WDR45B: variants seen among roughly 807,000 people sequenced by gnomAD.
The protein encoded by WDR45B is WD repeat domain phosphoinositide-interacting protein 3.
Under a neutral mutation model 44.6 loss-of-function variants are expected in WDR45B, and 20 were observed. The ratio of observed to expected loss-of-function variants is 0.45; its 90% CI spans 0.32 to 0.65. The LOEUF (loss-of-function observed/expected upper bound fraction) is 0.65, where lower values mean the gene tolerates loss of function less well. Among genes scored for constraint, WDR45B ranks in the 30% least tolerant of loss-of-function variants. WDR45B has a pLI of 0.05. For synonymous variants in WDR45B, 169 were observed against 164.9 expected (o/e 1.02, Z -0.19); for missense variants, 323 against 430.2 (o/e 0.75, Z 2.20).
rs2045517195 is a variant in WDR45B at position 82,615,343 on chromosome 17, G to A, written c.*576C>T. 6.1e-6 allele frequency: 1 copy of A among 163,982 alleles called. No homozygotes were observed. Among genetic ancestry groups the A allele is most frequent in the Non-Finnish European group, 1.3e-5 (1 of 74,208 alleles). The allele number at this position is 163,982 out of a possible 1,614,324, so 10.2% of individuals were successfully genotyped here. On this transcript the variant is annotated 3_prime_UTR_variant, in exon 10 of 10. Transcript: ENST00000392325. ...GCGGGTACGGAGAAGACCACAGGCTGGGCTCACACGAGGGGAAACATTCAC... is the reference window on the plus strand; with the variant it reads ...GCGGGTACGGAGAAGACCACAGGCTAGGCTCACACGAGGGGAAACATTCAC...
intron 1 of WDR45B, among the ~76,000 whole-genome samples, chr17:82,645,418 G>A (rs1329510180): frequency 6.6e-6 from 1 of 152,052 alleles, no homozygotes; most frequent in Non-Finnish European, 1.5e-5. Context: ...CATGTCACAA[G>A]AGGATATCCA....
intron 2 of WDR45B, among the ~76,000 whole-genome samples, chr17:82,631,850 T>C (rs2045772246): frequency 6.6e-6 from 1 of 151,862 alleles, no homozygotes; most frequent in Non-Finnish European, 1.5e-5. Context: ...CTTGGGAGGC[T>C]GAGGCGGGCA....
At chr17:82,636,044 G>A (rs1207668926) in intron 2 of WDR45B, among the ~76,000 whole-genome samples, 4 of 151,880 alleles carry the variant, frequency 2.6e-5, no homozygotes, top group African/African-American at 7.3e-5. Context: ...CCGAGATCGC[G>A]TCACTGCACT....
At chr17:82,620,852 G>A (rs777537300) in intron 6 of WDR45B, among the ~76,000 whole-genome samples, 5 of 152,218 alleles carry the variant, frequency 3.3e-5, no homozygotes, top group Non-Finnish European at 4.4e-5. Flanking sequence ...TGTCCAATAC[G>A]TCAATATTTT....
Position 82,615,706 on chromosome 17 carries a change from C to A in WDR45B, c.*213G>T, listed in dbSNP as rs1206487961. 1.7e-6 allele frequency: 1 copy of A among 583,214 alleles called. No individual in the cohort carries two copies. Among genetic ancestry groups the A allele is most frequent in the Non-Finnish European group, 3.1e-6 (1 of 324,678 alleles). The allele number at this position is 583,214 out of a possible 1,614,324, so 36.1% of individuals were successfully genotyped here. A position where few individuals can be genotyped will look rare whatever the true frequency, so the allele number is the denominator to read the frequency against. On this transcript the variant is annotated 3_prime_UTR_variant, in exon 10 of 10. Coordinates refer to ENST00000392325, the MANE Select transcript of WDR45B (RefSeq NM_019613.4). ...TGGCCGCCAGTCGAGCTGGTCACAGCCACTGAGTTACCTACGGTGCCTTGA... is the reference window on the plus strand; with the variant it reads ...TGGCCGCCAGTCGAGCTGGTCACAGACACTGAGTTACCTACGGTGCCTTGA...
intron 2 of WDR45B, among the ~76,000 whole-genome samples, chr17:82,637,540 G>A (rs558533369): frequency 9.2e-5 from 14 of 152,074 alleles, no homozygotes; most frequent in African/African-American, 3.4e-4. Context: ...CCCCAAGACC[G>A]ACTGCACCAC....
intron 2 of WDR45B, 94 bp from the exon 3 acceptor site, chr17:82,631,116 C>G: frequency 1.6e-6 from 2 of 1,265,132 alleles, no homozygotes; most frequent in South Asian, 2.5e-5. Flanking sequence ...GGTAACGCAG[C>G]AATTTTCTAT....
At chr17:82,633,249 A>C (rs1038171957) in intron 2 of WDR45B, among the ~76,000 whole-genome samples, 2 of 152,102 alleles carry the variant, frequency 1.3e-5, no homozygotes, top group African/African-American at 4.8e-5. Flanking sequence ...CAACAGAATG[A>C]AAACACAACC....
chr17:82,648,204 C>A (rs1568020912), intron 1 of WDR45B, 70 bp downstream of exon 1: 1 of 1,538,862 alleles, frequency 6.5e-7, no homozygotes. Context: ...CCAGGAGAGG[C>A]CTGAGAGCCG....
chr17:82,626,106 C>T (rs2045693787), intron 4 of WDR45B: 1 of 156,834 alleles, frequency 6.4e-6, no homozygotes, highest in Non-Finnish European at 1.4e-5. Flanking sequence ...TGGTCTCTAA[C>T]TCCTGACCTT....
chr17:82,614,723 A>G lies in WDR45B; in HGVS notation c.*1196T>C, dbSNP rs1230676652. ...TAGCTGATTACATGACAGTGACAGTAAAGAACTAAAGAAACCGGCAAAACC... is the reference window on the plus strand; with the variant it reads ...TAGCTGATTACATGACAGTGACAGTGAAGAACTAAAGAAACCGGCAAAACC... On this transcript the variant is annotated 3_prime_UTR_variant, in exon 10 of 10. Transcript: ENST00000392325. 1 of 152,586 alleles carries G rather than the reference A, an allele frequency of 6.6e-6. No homozygotes were observed. The highest frequency in any genetic ancestry group is 2.4e-5 in the African/African-American group (1 of 41,466). 9.5% of individuals were successfully genotyped at this position (152,586 alleles called of 1,614,324 possible).
chr17:82,625,523 G>C (rs761522029), intron 4 of WDR45B, 40 bp from the exon 5 acceptor site: 1 of 1,577,642 alleles, frequency 6.3e-7, no homozygotes, highest in South Asian at 1.1e-5. Context: ...TTCCTCAAGA[G>C]TCAAACCCAA....
At chr17:82,644,099 AACT>A (rs1253504095) in intron 1 of WDR45B, 76 bp from the exon 2 acceptor site, 1 of 1,364,070 alleles carries the variant, frequency 7.3e-7, no homozygotes, top group Non-Finnish European at 1.0e-6. Flanking sequence ...GAGAAATGAC[AACT>A]ACTGAGAACT....
chr17:82,638,274 G>A (rs1266760927), intron 2 of WDR45B, among the ~76,000 whole-genome samples: 2 of 52,084 alleles, frequency 3.8e-5, no homozygotes, highest in Non-Finnish European at 7.4e-5. Context: ...GGGGAGGGGG[G>A]AGGAGGAAAG....
In WDR45B at chr17:82,627,324, C is replaced by T. The variant is rs1200288737; in HGVS notation, c.245-33G>A. ...ATCAGAAAGAAAAGATGAATGCAGT[C>T]ATCAGCAGGCCATGGCGCTGGGATG... On this transcript the variant is annotated intron_variant, in intron 3 of 9. Transcript: ENST00000392325. 15 of 1,550,368 alleles carry T rather than the reference C, an allele frequency of 9.7e-6. No individual in the cohort carries two copies. The South Asian group carries it at 1.6e-4, about 16-fold the overall frequency.
chr17:82,617,959 C>T (rs2045562057), intron 7 of WDR45B, among the ~76,000 whole-genome samples: 1 of 150,224 alleles, frequency 6.7e-6, no homozygotes, highest in African/African-American at 2.5e-5. Flanking sequence ...GACAGAGTCT[C>T]GCTCTCTTGC....
At chr17:82,646,488 CAAA>C (rs779661551) in intron 1 of WDR45B, among the ~76,000 whole-genome samples, 1 of 19,946 alleles carries the variant, frequency 5.0e-5, no homozygotes, top group East Asian at 1.7e-3. Context: ...AACTCCGTCT[CAAA>C]AAAAAAAAAA....
At position 82,644,043 on chromosome 17, in the gene WDR45B, G is replaced by A. The variant is rs1377472370; in HGVS notation, c.68-20C>T. On this transcript the variant is annotated intron_variant, in intron 1 of 9. Transcript: ENST00000392325. ...AGCATCCTAAAGCAGAAGTGTAAAAGAGACATTAATCCCCAGGCCTGGAGT... is the reference window on the plus strand; with the variant it reads ...AGCATCCTAAAGCAGAAGTGTAAAAAAGACATTAATCCCCAGGCCTGGAGT... 1.2e-6 allele frequency: 2 copies of A among 1,613,396 alleles called. No individual in the cohort carries two copies. The highest frequency in any genetic ancestry group is 1.7e-6 in the Non-Finnish European group (2 of 1,179,560).
rs763055447 is a variant in WDR45B, at chr17:82,630,970, A to G, written c.195T>C (p.Tyr65=). 4.3e-6 allele frequency: 7 copies of G among 1,613,434 alleles called. No individual in the cohort carries two copies. Among genetic ancestry groups the G allele is most frequent in the Non-Finnish European group, 5.9e-6 (7 of 1,180,042 alleles). Residue 65 remains tyrosine (Y), a synonymous_variant, in exon 3 of 10, where the codon TAT becomes TAC. Coordinates refer to ENST00000392325, the MANE Select transcript of WDR45B (RefSeq NM_019613.4). ...TTTTTCCACCACCAACTAAAGCTAA[A>G]TAGTTGCAGCGAAATAACATTTCAA... The part of the protein sequence containing the change: ...GHVEMLFRCN[Y]LALVGGGKKP...
Sources: allele counts gnomAD v4.1 joint callset (sites outside exome capture counted in the v4.1 genomes callset), GRCh38; gene constraint gnomAD v4.1.1; transcripts MANE v1.5; gene names NCBI Gene and HGNC (gene_info 2026-07-23, HGNC 2026-07-21).